MTMR10: variants seen among roughly 807,000 people sequenced by gnomAD.
MTMR10 encodes the protein myotubularin-related protein 10.
In MTMR10, 56 loss-of-function variants were observed where a neutral mutation model predicts 88.1. The observed-to-expected ratio is 0.64, with a 90% confidence interval of 0.51 to 0.79. MTMR10 has a LOEUF of 0.79. Among genes scored for constraint, MTMR10 ranks in the 30% least tolerant of loss-of-function variants. The pLI, the probability that MTMR10 is intolerant of heterozygous loss-of-function variation, is 0.00. For missense variants in MTMR10, 883 were observed against 924.7 expected (o/e 0.95, Z 0.58); for synonymous variants, 380 against 340.9 (o/e 1.11, Z -1.26).
chr15:30,919,869 A>G, the MTMR10 span, among the ~76,000 whole-genome samples: 1 of 152,170 alleles, frequency 6.6e-6, no homozygotes, highest in African/African-American at 2.4e-5. Context: ...AAGCAGAAGA[A>G]AATCCACATA....
Position 30,939,613 on chromosome 15 carries a change from T to G in MTMR10, c.*1857A>C. ...TAACCATTATTAATAGTACCTAATA[T>G]TTTTAAACTTGTAAATTAACAACAA... On this transcript the variant is annotated 3_prime_UTR_variant, in exon 16 of 16. Transcript: ENST00000435680. The G allele has an allele frequency of 1.1e-6, 1 of 928,568 alleles. No homozygotes were observed. Among genetic ancestry groups the G allele is most frequent in the Non-Finnish European group, 1.3e-6 (1 of 778,574 alleles). The allele number at this position is 928,568 out of a possible 1,614,324, so 57.5% of individuals were successfully genotyped here.
the MTMR10 span, chr15:30,929,249 G>A: frequency 3.1e-6 from 5 of 1,613,376 alleles, no homozygotes; most frequent in South Asian, 2.2e-5. Context: ...ACAAGCAGAC[G>A]CCCAGCCCTT....
At chr15:30,979,396 TA>T (rs35722257) in intron 2 of MTMR10, among the ~76,000 whole-genome samples, 39,721 of 145,940 alleles carry the variant, frequency 0.27, 5,668 homozygotes, top group Non-Finnish European at 0.34. Flanking sequence ...CCATCTCTAT[TA>T]AAAAAAAAAA....
intron 1 of MTMR10, 92 bp from the exon 2 acceptor site, chr15:30,990,929 T>C (rs1179926181): frequency 1.9e-6 from 2 of 1,067,534 alleles, no homozygotes; most frequent in African/African-American, 1.6e-5. Flanking sequence ...TGATGACACA[T>C]GCGAAAGACA....
the MTMR10 span, among the ~76,000 whole-genome samples, chr15:30,933,785 A>G: frequency 6.7e-6 from 1 of 150,346 alleles, no homozygotes; most frequent in African/African-American, 2.5e-5. Flanking sequence ...TTTGAGACAG[A>G]CTCTCACTAT....
chr15:30,955,924 C>T (rs965567030), intron 9 of MTMR10, among the ~76,000 whole-genome samples: 2 of 151,264 alleles, frequency 1.3e-5, no homozygotes, highest in African/African-American at 4.9e-5. Context: ...AGGAAACAGC[C>T]AGGACTGGGA....
intron 5 of MTMR10, among the ~76,000 whole-genome samples, chr15:30,968,673 C>G (rs938820170): frequency 6.6e-6 from 1 of 152,098 alleles, no homozygotes; most frequent in African/African-American, 2.4e-5. Context: ...TGAATCCTAG[C>G]TCTGTCAAGT....
intron 12 of MTMR10, 63 bp downstream of exon 12, chr15:30,951,905 A>G (rs1225782804): frequency 1.5e-6 from 2 of 1,353,230 alleles, no homozygotes; most frequent in East Asian, 2.3e-5. Flanking sequence ...GAATGGGGAC[A>G]AGCAGTAAAC....
In MTMR10 at chr15:30,942,091, A is replaced by G; in HGVS notation, c.1732-19T>C. 1 of 1,601,776 alleles carries G rather than the reference A, an allele frequency of 6.2e-7. No homozygotes were observed. The highest frequency in any genetic ancestry group is 8.5e-7 in the Non-Finnish European group (1 of 1,172,276). On this transcript the variant is annotated intron_variant, in intron 15 of 15. Coordinates refer to ENST00000435680, the MANE Select transcript of MTMR10 (RefSeq NM_017762.3). ...AGCTTTTCTATACAGAAGAGATTTT[A>G]TTATGTTCCGGGGATTCCCTTTTTA...
At chr15:30,921,827 C>G in the MTMR10 span, among the ~76,000 whole-genome samples, 2 of 152,190 alleles carry the variant, frequency 1.3e-5, no homozygotes, top group East Asian at 3.8e-4. Flanking sequence ...CATTACTTTC[C>G]TGCCCACCCC....
chr15:30,931,549 T>C, the MTMR10 span, among the ~76,000 whole-genome samples: 3 of 152,210 alleles, frequency 2.0e-5, no homozygotes, highest in Non-Finnish European at 2.9e-5. Context: ...AGAAGTGTTA[T>C]AGTTTTAGGT....
intron 5 of MTMR10, among the ~76,000 whole-genome samples, chr15:30,973,047 CAAATAT>C (rs2063556357): frequency 6.6e-6 from 1 of 152,126 alleles, no homozygotes; most frequent in Non-Finnish European, 1.5e-5. Flanking sequence ...AATTAAATTA[CAAATAT>C]AAATAAGCTT....
At chr15:30,991,015 CTAA>C (rs1424031847) in intron 1 of MTMR10, among the ~76,000 whole-genome samples, 178 bp from the exon 2 acceptor site, 2 of 152,128 alleles carry the variant, frequency 1.3e-5, no homozygotes, top group East Asian at 3.8e-4. Context: ...ACTTGGAAGC[CTAA>C]TAATAAAAAA....
In MTMR10 at chr15:30,938,999, G is replaced by A; in HGVS notation, c.*2471C>T. Reference sequence around the variant, plus strand: ...AATTTCCTTCACATTCAATACTGTTGAACAACAAGATAACACATCTTCTTG... The same window carrying A: ...AATTTCCTTCACATTCAATACTGTTAAACAACAAGATAACACATCTTCTTG... On this transcript the variant is annotated 3_prime_UTR_variant, in exon 16 of 16. Transcript: ENST00000435680. 1 of 984,994 alleles carries A rather than the reference G, an allele frequency of 1.0e-6. No homozygotes were observed. Among genetic ancestry groups the A allele is most frequent in the East Asian group, 1.1e-4 (1 of 8,824 alleles). The allele number at this position is 984,994 out of a possible 1,614,324, so 61.0% of individuals were successfully genotyped here. A position where few individuals can be genotyped will look rare whatever the true frequency, so the allele number is the denominator to read the frequency against.
rs150184480 is a variant in MTMR10 at position 30,942,998 on chromosome 15, A to G, written c.1623T>C (p.Ser541=). 1.2e-4 allele frequency: 188 copies of G among 1,552,798 alleles called. 1 individual carries two copies. The East Asian group carries it at 4.3e-3, about 35-fold the overall frequency. Residue 541 remains serine (S), a synonymous_variant, in exon 15 of 16, where the codon TCT becomes TCC. Transcript: ENST00000435680. ...TGCGATCCTTTGCTGTAAACTGGAG[A>G]GACCAGTCCCAAACAGAGGGGAATT... ...GLKFPSVWDW[S]LQFTAKDRTL...
At chr15:30,935,670 C>T (rs1402492797), downstream of MTMR10, among the ~76,000 whole-genome samples, 1 of 152,154 alleles carries the variant, frequency 6.6e-6, no homozygotes, top group Non-Finnish European at 1.5e-5. Context: ...CCCATGGATA[C>T]TGAGGGATGG....
chr15:30,940,142 A>T lies in MTMR10; in HGVS notation c.*1328T>A. 1.0e-6 allele frequency: 1 copy of T among 985,466 alleles called. No homozygotes were observed. Among genetic ancestry groups the T allele is most frequent in the Non-Finnish European group, 1.2e-6 (1 of 829,938 alleles). 61.0% of individuals were successfully genotyped at this position (985,466 alleles called of 1,614,324 possible). A position where few individuals can be genotyped will look rare whatever the true frequency, so the allele number is the denominator to read the frequency against. ...TAGGATGGCAGTTTAAGAAACAGTC[A>T]AATTTGAAAGTATCCATGTTTTAAG... is the stretch of plus-strand genomic sequence containing the variant. On this transcript the variant is annotated 3_prime_UTR_variant, in exon 16 of 16. Transcript: ENST00000435680.
At chr15:30,927,513 C>T in the MTMR10 span, 1 of 985,754 alleles carries the variant, frequency 1.0e-6, no homozygotes, top group Middle Eastern at 5.2e-4. Flanking sequence ...CAGAGGTGAC[C>T]CAGGCAGGCA....
At chr15:30,981,100 T>C (rs1248677916) in intron 2 of MTMR10, among the ~76,000 whole-genome samples, 1 of 152,232 alleles carries the variant, frequency 6.6e-6, no homozygotes, top group Non-Finnish European at 1.5e-5. Context: ...CATTGATGAA[T>C]GCTAAATTCA....
Sources: gnomAD v4.1 joint callset for allele counts (sites outside exome capture counted in the v4.1 genomes callset) on GRCh38, gnomAD v4.1.1 for gene constraint, MANE v1.5 for transcripts, NCBI Gene and HGNC (gene_info 2026-07-23, HGNC 2026-07-21) for gene names.